ROBO2: variants seen among roughly 807,000 people sequenced by gnomAD.
ROBO2 encodes the protein roundabout homolog 2.
In ROBO2, 53 loss-of-function variants were observed where a neutral mutation model predicts 160.8. That is an observed-to-expected ratio of 0.33 (90% CI 0.26 to 0.41). The LOEUF (loss-of-function observed/expected upper bound fraction) is 0.41. Ranked by LOEUF, ROBO2 falls within the 10% of genes least tolerant of loss-of-function variation. The pLI, the probability that ROBO2 is intolerant of heterozygous loss-of-function variation, is 1.00. For synonymous variants in ROBO2, 664 were observed against 611.7 expected (o/e 1.09, Z -1.26); for missense variants, 1,577 against 1,722.4 (o/e 0.92, Z 1.49).
intron 2 of ROBO2, among the ~76,000 whole-genome samples, chr3:76,454,271 A>G (rs958274357): frequency 2.0e-5 from 3 of 152,206 alleles, no homozygotes; most frequent in Non-Finnish European, 2.9e-5. Flanking sequence ...AGAAATATGA[A>G]TAATTTGTTA....
At chr3:77,269,452 T>C (rs1167606300) in intron 2 of ROBO2, among the ~76,000 whole-genome samples, 5 of 152,196 alleles carry the variant, frequency 3.3e-5, no homozygotes. Context: ...CCACATGGGC[T>C]TTTCTTTTGG....
intron 2 of ROBO2, among the ~76,000 whole-genome samples, chr3:77,156,934 A>G (rs924652979): frequency 1.3e-5 from 2 of 151,998 alleles, no homozygotes; most frequent in Non-Finnish European, 2.9e-5. Context: ...TCCCCACAAC[A>G]GCAACATCAA....
rs183763944 is a variant in ROBO2, at chr3:77,131,067, G to T, written c.388+32727G>T. ...AAGTTTGGGACACTGCCAGCCAAAAGTGAAAATGGCATTAATGGGACTGAG... is the reference window on the plus strand; with the variant it reads ...AAGTTTGGGACACTGCCAGCCAAAATTGAAAATGGCATTAATGGGACTGAG... On this transcript the variant is annotated intron_variant, in intron 2 of 25. Transcript: ENST00000461745. Among the ~76,000 whole-genome samples, 492 of 152,244 alleles carry T rather than the reference G, an allele frequency of 3.2e-3. 2 individuals are homozygous for T. Among genetic ancestry groups the T allele is most frequent in the Middle Eastern group, 0.01 (3 of 294 alleles).
chr3:76,386,483 T>G (rs546965439), intron 2 of ROBO2, among the ~76,000 whole-genome samples: 15 of 152,152 alleles, frequency 9.9e-5, no homozygotes, highest in African/African-American at 3.6e-4. Context: ...TTGCATTCTT[T>G]ATTCAATCTA....
chr3:77,584,321 G>T (rs1344835634), intron 16 of ROBO2, among the ~76,000 whole-genome samples: 1 of 152,104 alleles, frequency 6.6e-6, no homozygotes, highest in Non-Finnish European at 1.5e-5. Context: ...ATTTCCTCTG[G>T]TAAAGCGCCG....
intron 2 of ROBO2, among the ~76,000 whole-genome samples, chr3:76,314,445 T>G (rs1234668325): frequency 1.3e-5 from 2 of 151,906 alleles, no homozygotes; most frequent in Non-Finnish European, 2.9e-5. Flanking sequence ...ATAGATAATA[T>G]CATATTTACA....
intron 2 of ROBO2, among the ~76,000 whole-genome samples, chr3:76,045,193 A>T (rs1325208264): frequency 6.6e-6 from 1 of 152,074 alleles, no homozygotes; most frequent in South Asian, 2.1e-4. Flanking sequence ...GCACAGTGCC[A>T]TGTTACATGA....
rs183605992 is a variant in ROBO2, at chr3:76,819,649, G to T, written c.110-278365G>T. Among the ~76,000 whole-genome samples, 10 of 152,162 alleles carry T rather than the reference G, an allele frequency of 6.6e-5. No homozygotes were observed. The East Asian group carries it at 1.9e-3, about 29-fold the overall frequency. ...AGAGCTTGTATGTTGGGATTGTTGT[G>T]ATTCTTTTTAAACCTCTAGGCTAGT... On this transcript the variant is annotated intron_variant, in intron 2 of 26. Coordinates refer to the ROBO2 transcript ENST00000487694.
chr3:76,408,425 C>T (rs1383699671), intron 2 of ROBO2, among the ~76,000 whole-genome samples: 1 of 152,048 alleles, frequency 6.6e-6, no homozygotes, highest in Admixed American at 6.6e-5. Context: ...CTATGAAACA[C>T]CTTGTAGATT....
At chr3:76,788,852 G>A (rs2108699297) in intron 2 of ROBO2, among the ~76,000 whole-genome samples, 2 of 151,654 alleles carry the variant, frequency 1.3e-5, no homozygotes, top group East Asian at 3.9e-4. Context: ...CTAAGAGAAA[G>A]TTTAACAGTG....
chr3:76,376,206 A>G (rs1361777211), intron 2 of ROBO2, among the ~76,000 whole-genome samples: 1 of 152,098 alleles, frequency 6.6e-6, no homozygotes. Context: ...CAAGCTAGTA[A>G]CACCAACTGA....
At chr3:77,333,204 T>C (rs1262018819) in intron 2 of ROBO2, among the ~76,000 whole-genome samples, 1 of 152,224 alleles carries the variant, frequency 6.6e-6, no homozygotes, top group African/African-American at 2.4e-5. Flanking sequence ...GTAGTTTTAT[T>C]AACCATGAAG....
intron 2 of ROBO2, among the ~76,000 whole-genome samples, chr3:76,677,113 C>G (rs148930181): frequency 6.6e-6 from 1 of 151,820 alleles, no homozygotes; most frequent in African/African-American, 2.4e-5. Context: ...GTTTATCTTT[C>G]CAATGCTTTT....
intron 12 of ROBO2, 87 bp from the exon 14 acceptor site, chr3:77,568,225 TA>T: frequency 6.7e-7 from 1 of 1,491,738 alleles, no homozygotes; most frequent in Non-Finnish European, 9.2e-7. Context: ...TAATTAGTTC[TA>T]AAGACATGAG....
chr3:76,628,254 T>G (rs771698440), intron 2 of ROBO2, among the ~76,000 whole-genome samples: 2 of 152,002 alleles, frequency 1.3e-5, no homozygotes, highest in Non-Finnish European at 2.9e-5. Context: ...GTTTTTTTCT[T>G]TCTTTTTTTT....
chr3:76,889,813 T>C (rs2074199538), intron 2 of ROBO2, among the ~76,000 whole-genome samples: 1 of 152,162 alleles, frequency 6.6e-6, no homozygotes, highest in African/African-American at 2.4e-5. Context: ...TATTTGTTTT[T>C]TGTTTTTTTC....
At chr3:75,912,200 A>G (rs1308767275) in intron 1 of ROBO2, among the ~76,000 whole-genome samples, 1 of 152,208 alleles carries the variant, frequency 6.6e-6, no homozygotes, top group Non-Finnish European at 1.5e-5. Context: ...GCTAGATCAC[A>G]GGACAAAGTT....
chr3:76,657,124 C>T (rs73118097), intron 2 of ROBO2, among the ~76,000 whole-genome samples: 15,636 of 151,414 alleles, frequency 0.1, 894 homozygotes, highest in African/African-American at 0.15. Context: ...TGATTTTTTT[C>T]AAGATTTTAA....
chr3:77,426,220 G>T (rs1423483110), intron 2 of ROBO2, among the ~76,000 whole-genome samples: 1 of 152,118 alleles, frequency 6.6e-6, no homozygotes, highest in African/African-American at 2.4e-5. Context: ...GGGACATTGA[G>T]CTGTAAGGAC....
Sources: allele counts gnomAD v4.1 joint callset (sites outside exome capture counted in the v4.1 genomes callset), GRCh38; gene constraint gnomAD v4.1.1; transcripts MANE v1.5; gene names NCBI Gene and HGNC (gene_info 2026-07-23, HGNC 2026-07-21).